EFCAB11: variants seen among roughly 807,000 people sequenced by gnomAD.
The protein encoded by EFCAB11 is EF-hand calcium binding domain 11, also known as EF-hand calcium-binding domain-containing protein 11.
In EFCAB11, 14 loss-of-function variants were observed where a neutral mutation model predicts 23.0. That is an observed-to-expected ratio of 0.61 (90% CI 0.40 to 0.95). The LOEUF (loss-of-function observed/expected upper bound fraction) is 0.95, where lower values mean the gene tolerates loss of function less well. EFCAB11 is among the 40% of genes least tolerant of loss of function. The pLI is 0.00. For missense variants in EFCAB11, 198 were observed against 195.8 expected, an observed-to-expected ratio of 1.01 and a Z score of -0.07; for synonymous variants, 65 against 66.6, an observed-to-expected ratio of 0.98 and a Z score of 0.11.
intron 3 of EFCAB11, among the ~76,000 whole-genome samples, chr14:89,943,157 A>C (rs1890850573): frequency 6.6e-6 from 1 of 152,162 alleles, no homozygotes; most frequent in African/African-American, 2.4e-5. Context: ...GAGAATTCCC[A>C]AGTCACAGCT....
At chr14:89,953,347 G>A (rs1891254891) in intron 2 of EFCAB11, among the ~76,000 whole-genome samples, 1 of 152,124 alleles carries the variant, frequency 6.6e-6, no homozygotes, top group African/African-American at 2.4e-5. Context: ...GTTAAAGTAG[G>A]CACAATATTT....
At chr14:89,881,466 T>TATATATA (rs10524743) in intron 5 of EFCAB11, among the ~76,000 whole-genome samples, 5 of 122,222 alleles carry the variant, frequency 4.1e-5, no homozygotes, top group South Asian at 2.5e-4. Context: ...TATATATATA[T>TATATATA]TCTTTTTTTT....
intron 5 of EFCAB11, among the ~76,000 whole-genome samples, chr14:89,916,302 A>C (rs1889842577): frequency 6.6e-6 from 1 of 152,230 alleles, no homozygotes; most frequent in Admixed American, 6.5e-5. Flanking sequence ...TCATTGAAGA[A>C]ACTTCTTTAC....
chr14:89,851,331 A>G (rs2140139636), intron 5 of EFCAB11, among the ~76,000 whole-genome samples: 1 of 152,336 alleles, frequency 6.6e-6, no homozygotes, highest in East Asian at 1.9e-4. Context: ...TTGTTCCACG[A>G]TTACATGTAT....
chr14:89,922,349 T>A (rs970922112), intron 5 of EFCAB11, among the ~76,000 whole-genome samples: 2 of 152,198 alleles, frequency 1.3e-5, no homozygotes, highest in Non-Finnish European at 2.9e-5. Flanking sequence ...ATCTGTGGTA[T>A]GCAGGGAAAA....
intron 5 of EFCAB11, among the ~76,000 whole-genome samples, chr14:89,831,878 C>T (rs370277966): frequency 6.6e-6 from 1 of 152,108 alleles, no homozygotes; most frequent in Admixed American, 6.5e-5. Flanking sequence ...AATGAAGTAG[C>T]ATTTTTTGAT....
intron 5 of EFCAB11, among the ~76,000 whole-genome samples, chr14:89,820,791 T>G (rs1033370373): frequency 6.6e-6 from 1 of 152,146 alleles, no homozygotes; most frequent in African/African-American, 2.4e-5. Flanking sequence ...TAATTTTATG[T>G]GTTACCTTGG....
chr14:89,796,056 C>T lies in EFCAB11; in HGVS notation c.*1187G>A. The T allele has an allele frequency of 6.6e-6, 1 of 152,468 alleles. No individual in the cohort carries two copies. Among genetic ancestry groups the T allele is most frequent in the Non-Finnish European group, 1.5e-5 (1 of 68,126 alleles). 9.4% of individuals were successfully genotyped at this position (152,468 alleles called of 1,614,324 possible). A position where few individuals can be genotyped will look rare whatever the true frequency, so the allele number is the denominator to read the frequency against. ...GGGTATGGAGCAGAGGGCAGCTGAG[C>T]AGCTCAAGGCTTGCTTCTCCACAGT... On this transcript the variant is annotated 3_prime_UTR_variant, in exon 6 of 6. Transcript: ENST00000316738.
rs57465932 is a variant in EFCAB11, at chr14:89,931,374, C to A, written c.410+167G>T. On this transcript the variant is annotated intron_variant, in intron 5 of 5. Coordinates refer to ENST00000316738, the MANE Select transcript of EFCAB11 (RefSeq NM_145231.4). ...TTCACTGTCAGGGGCATGGAAGGAC[C>A]CATAGCTAACTATAGATTTCCCTCC... is the stretch of plus-strand genomic sequence containing the variant. 579 of 636,162 alleles carry A rather than the reference C, an allele frequency of 9.1e-4. 8 individuals are homozygous for A. In the South Asian group the frequency reaches 0.012, roughly 13 times the overall value. 39.4% of individuals were successfully genotyped at this position (636,162 alleles called of 1,614,324 possible).
chr14:89,891,962 C>T (rs999696852), intron 5 of EFCAB11, among the ~76,000 whole-genome samples: 1 of 152,220 alleles, frequency 6.6e-6, no homozygotes, highest in South Asian at 2.1e-4. Flanking sequence ...GCTGCAGCTG[C>T]GGGCTGGGCC....
intron 5 of EFCAB11, among the ~76,000 whole-genome samples, chr14:89,799,816 T>C (rs907412006): frequency 6.6e-6 from 1 of 152,110 alleles, no homozygotes; most frequent in Admixed American, 6.5e-5. Flanking sequence ...GATAATATTA[T>C]AGAAAATCTA....
chr14:89,878,397 C>A (rs1041624091), intron 5 of EFCAB11, among the ~76,000 whole-genome samples: 1 of 152,030 alleles, frequency 6.6e-6, no homozygotes, highest in Non-Finnish European at 1.5e-5. Context: ...TACTTCTGAA[C>A]TTTACAAACA....
chr14:89,924,937 G>A (rs1890142468), intron 5 of EFCAB11, among the ~76,000 whole-genome samples: 1 of 152,216 alleles, frequency 6.6e-6, no homozygotes, highest in Non-Finnish European at 1.5e-5. Context: ...GGACAGTGGC[G>A]ATTACAGATA....
intron 5 of EFCAB11, among the ~76,000 whole-genome samples, chr14:89,825,065 G>C: frequency 7.1e-6 from 1 of 140,986 alleles, no homozygotes; most frequent in East Asian, 2.1e-4. Context: ...TTCCGTTCAA[G>C]TGCTCATGGA....
chr14:89,931,822 C>T (rs1890398260), intron 4 of EFCAB11, among the ~76,000 whole-genome samples, 191 bp from the exon 5 acceptor site: 1 of 152,188 alleles, frequency 6.6e-6, no homozygotes, highest in African/African-American at 2.4e-5. Flanking sequence ...ATAATACTTT[C>T]CTTCAGTGCA....
At chr14:89,917,358 T>A (rs1461184557) in intron 5 of EFCAB11, among the ~76,000 whole-genome samples, 3 of 152,202 alleles carry the variant, frequency 2.0e-5, no homozygotes, top group Non-Finnish European at 2.9e-5. Flanking sequence ...TCTTTCTGTG[T>A]CTGGCTTCTT....
chr14:89,859,480 T>C (rs1887855391), intron 5 of EFCAB11, among the ~76,000 whole-genome samples: 1 of 152,164 alleles, frequency 6.6e-6, no homozygotes, highest in Non-Finnish European at 1.5e-5. Flanking sequence ...AATTTTACAG[T>C]AGGAATGTAT....
intron 5 of EFCAB11, among the ~76,000 whole-genome samples, chr14:89,843,770 C>T (rs1402806841): frequency 6.6e-6 from 1 of 152,198 alleles, no homozygotes; most frequent in Non-Finnish European, 1.5e-5. Context: ...AATGTTTATT[C>T]ACTGACTTAA....
At chr14:89,845,614 T>C (rs1236564471) in intron 5 of EFCAB11, among the ~76,000 whole-genome samples, 4 of 152,154 alleles carry the variant, frequency 2.6e-5, no homozygotes, top group African/African-American at 9.7e-5. Context: ...TCTTCAGCTC[T>C]CTTGTAAGGA....
Sources: allele counts gnomAD v4.1 joint callset (sites outside exome capture counted in the v4.1 genomes callset), GRCh38; gene constraint gnomAD v4.1.1; transcripts MANE v1.5; gene names NCBI Gene and HGNC (gene_info 2026-07-23, HGNC 2026-07-21).